KIAA1217: variants seen among roughly 807,000 people sequenced by gnomAD.
KIAA1217 encodes the protein KIAA1217.
KIAA1217 carries 88 observed loss-of-function variants against 163.9 expected under a neutral mutation model. The ratio of observed to expected loss-of-function variants is 0.54; its 90% CI spans 0.45 to 0.64. The LOEUF is 0.64. KIAA1217 is among the 30% of genes least tolerant of loss of function. The pLI is 0.00. For missense variants in KIAA1217, 2,372 were observed against 2,475.0 expected (o/e 0.96, Z 0.88); for synonymous variants, 903 against 923.1 (o/e 0.98, Z 0.39).
At chr10:24,234,535 A>C (rs901226170) in intron 2 of KIAA1217, among the ~76,000 whole-genome samples, 1 of 151,620 alleles carries the variant, frequency 6.6e-6, no homozygotes, top group Non-Finnish European at 1.5e-5. Context: ...GTGGTGACGC[A>C]TGCATATAGT....
chr10:24,235,475 T>G (rs1488009434), intron 2 of KIAA1217, among the ~76,000 whole-genome samples: 1 of 152,262 alleles, frequency 6.6e-6, no homozygotes, highest in Non-Finnish European at 1.5e-5. Context: ...AGTGTGGTCT[T>G]GACTTACGAA....
At chr10:24,033,266 A>G (rs1055266386) in intron 2 of KIAA1217, among the ~76,000 whole-genome samples, 1 of 152,360 alleles carries the variant, frequency 6.6e-6, no homozygotes, top group Middle Eastern at 3.4e-3. Flanking sequence ...GCATTTGACT[A>G]TAAAATTGAG....
In KIAA1217 at chr10:24,473,621, C is replaced by G. The variant is rs2063742755; in HGVS notation, c.1240C>G (p.Pro414Ala). 1 of 1,614,000 alleles carries G rather than the reference C, an allele frequency of 6.2e-7. No individual in the cohort carries two copies. The highest frequency in any genetic ancestry group is 1.7e-5 in the Admixed American group (1 of 59,986). ...MSIASSHGGH[P>A]LDVPDHIIAY... is the part of the protein sequence containing the mutation. ...CATAGCCTCATCCCATGGTGGACAC[C>G]CACTGGATGTCCCCGACCACATCAT... Residue 414 changes from proline (P) to alanine (A), a missense_variant, in exon 6 of 21, where the codon CCA becomes GCA. Physicochemically the swap from Pro to Ala is conservative, Grantham distance 27. This residue lies in a region of KIAA1217 where 1,431 missense variants were observed against 1,470.3 expected (regional missense o/e 0.97). Coordinates refer to ENST00000376454, the MANE Select transcript of KIAA1217 (RefSeq NM_019590.5).
chr10:24,424,950 A>T (rs1361567332), intron 3 of KIAA1217, among the ~76,000 whole-genome samples: 1 of 152,212 alleles, frequency 6.6e-6, no homozygotes, highest in Non-Finnish European at 1.5e-5. Context: ...TCTTAAAGAT[A>T]TGCTACTGTG....
chr10:24,393,699 C>G (rs922021202), intron 3 of KIAA1217, among the ~76,000 whole-genome samples: 4 of 152,134 alleles, frequency 2.6e-5, no homozygotes, highest in African/African-American at 9.7e-5. Context: ...GGTGTCCTTA[C>G]AAGAAGAACA....
upstream of KIAA1217, among the ~76,000 whole-genome samples, chr10:24,205,749 G>C (rs1401618511): frequency 1.3e-5 from 2 of 151,472 alleles, no homozygotes; most frequent in African/African-American, 4.9e-5. Flanking sequence ...CTCCAGCCTG[G>C]GTGACAGAGC....
At position 24,473,163 on chromosome 10, in the gene KIAA1217, C is replaced by T. The variant is rs997404655; in HGVS notation, c.847-65C>T. 3.5e-6 allele frequency: 4 copies of T among 1,149,614 alleles called. 1 individual carries two copies. Among genetic ancestry groups the T allele is most frequent in the South Asian group, 3.1e-5 (2 of 64,856 alleles). The allele number at this position is 1,149,614 out of a possible 1,614,324, so 71.2% of individuals were successfully genotyped here. On this transcript the variant is annotated intron_variant, in intron 5 of 20. Coordinates refer to ENST00000376454, the MANE Select transcript of KIAA1217 (RefSeq NM_019590.5). ...TTGCAGGGGAAGTCACACGGTTACA[C>T]ACTGAGACTTCTCTTGAAACACGAA...
intron 17 of KIAA1217, 46 bp from the exon 18 acceptor site, chr10:24,542,647 G>A: frequency 6.3e-7 from 1 of 1,597,892 alleles, no homozygotes; most frequent in Non-Finnish European, 8.6e-7. Context: ...ACTTTTTTGG[G>A]GGGATGTGGT....
chr10:23,730,677 T>A (rs1013098654), intron 1 of KIAA1217, among the ~76,000 whole-genome samples: 1 of 152,210 alleles, frequency 6.6e-6, no homozygotes, highest in Admixed American at 6.5e-5. Context: ...ATCATAATTT[T>A]GTAGTTTTTC....
rs551599285 is a variant in KIAA1217, at chr10:24,008,816, A to T, written c.-171+1442A>T. On this transcript the variant is annotated intron_variant, in intron 2 of 18. Coordinates refer to the KIAA1217 transcript ENST00000376462. ...CTACCGCCCCATTAGATGCTGCCGT[A>T]ACACGAGGGAGCAGACCTGGCAGTC... Among the ~76,000 whole-genome samples, 7 of 152,296 alleles carry T rather than the reference A, an allele frequency of 4.6e-5. No homozygotes were observed. In the South Asian group the frequency reaches 1.5e-3, roughly 32 times the overall value.
intron 2 of KIAA1217, among the ~76,000 whole-genome samples, chr10:24,048,806 G>T (rs1293329493): frequency 6.6e-6 from 1 of 151,792 alleles, no homozygotes; most frequent in Non-Finnish European, 1.5e-5. Context: ...GCCGAGGCGG[G>T]TGGATCACGA....
At chr10:24,334,438 T>TGGAAGGAAGGAAGGAAGGAAGGAA (rs60016533) in intron 2 of KIAA1217, among the ~76,000 whole-genome samples, 1 of 82,284 alleles carries the variant, frequency 1.2e-5, no homozygotes, top group East Asian at 3.7e-4. Flanking sequence ...GAGGGAAGGA[T>TGGAAGGAAGGAAGGAAGGAAGGAA]GGAAGGAAGG....
At chr10:24,525,271 G>A (rs1464509133) in intron 13 of KIAA1217, among the ~76,000 whole-genome samples, 3 of 152,198 alleles carry the variant, frequency 2.0e-5, no homozygotes, top group African/African-American at 7.2e-5. Context: ...TGAGGTGAAG[G>A]CAGCCTGGGG....
In KIAA1217 at chr10:24,219,609, A is replaced by G. The variant is rs765164869; in HGVS notation, c.71-17A>G. The G allele has an allele frequency of 9.0e-6, 14 of 1,557,274 alleles. No individual in the cohort carries two copies. The highest frequency in any genetic ancestry group is 1.9e-5 in the Admixed American group (1 of 52,342). On this transcript the variant is annotated splice_polypyrimidine_tract_variant and intron_variant, in intron 1 of 20. Transcript: ENST00000376454. ...TGTGAAATCATTAATTGTGAACCGA[A>G]TTTTTTTGTCTTTCAGAACAAGGCA...
At chr10:24,337,671 T>A (rs1393202794) in intron 2 of KIAA1217, among the ~76,000 whole-genome samples, 1 of 140,796 alleles carries the variant, frequency 7.1e-6, no homozygotes, top group Non-Finnish European at 1.5e-5. Flanking sequence ...TTGAGACGAG[T>A]CTCATACTGT....
chr10:24,523,994 G>GT, intron 12 of KIAA1217, among the ~76,000 whole-genome samples: 1 of 152,194 alleles, frequency 6.6e-6, no homozygotes, highest in East Asian at 1.9e-4. Flanking sequence ...GCTTGGCAGT[G>GT]AAAGGAGGAG....
intron 2 of KIAA1217, among the ~76,000 whole-genome samples, chr10:24,349,916 A>AG (rs1272021121): frequency 1.3e-5 from 2 of 152,336 alleles, no homozygotes; most frequent in East Asian, 3.9e-4. Flanking sequence ...TAACCCAGTG[A>AG]GCTGAAGAGC....
At chr10:24,209,923 T>C (rs1392844324) in intron 1 of KIAA1217, among the ~76,000 whole-genome samples, 1 of 152,196 alleles carries the variant, frequency 6.6e-6, no homozygotes, top group African/African-American at 2.4e-5. Flanking sequence ...CCGTAGGGAA[T>C]TTCCAGAAGC....
At chr10:24,175,997 G>A (rs1352634901) in intron 2 of KIAA1217, among the ~76,000 whole-genome samples, 1 of 152,158 alleles carries the variant, frequency 6.6e-6, no homozygotes, top group Admixed American at 6.5e-5. Flanking sequence ...CTGTGGAAGG[G>A]GACCCAAGCA....
Sources: gnomAD v4.1 joint callset for allele counts (sites outside exome capture counted in the v4.1 genomes callset) on GRCh38, gnomAD v4.1.1 for gene constraint, gnomAD v4.1.1 regional missense constraint, MANE v1.5 for transcripts, NCBI Gene and HGNC (gene_info 2026-07-23, HGNC 2026-07-21) for gene names.